Variants in TAOK1 observed in about 807,000 individuals in gnomAD.
TAOK1 encodes the protein TAO kinase 1.
TAOK1 carries 21 observed loss-of-function variants against 138.3 expected under a neutral mutation model. That is an observed-to-expected ratio of 0.15 (90% CI 0.11 to 0.22). TAOK1 has a LOEUF of 0.22. Among genes scored for constraint, TAOK1 ranks in the 10% least tolerant of loss-of-function variants. The probability of loss-of-function intolerance (pLI) is 1.00; values close to 1 mark genes in which losing one functional copy is unlikely to be tolerated. For missense variants in TAOK1, 651 were observed against 1,227.7 expected, an observed-to-expected ratio of 0.53 and a Z score of 7.02; for synonymous variants, 361 against 398.4, an observed-to-expected ratio of 0.91 and a Z score of 1.12.
At chr17:29,447,924 G>A (rs1411506477) in intron 1 of TAOK1, among the ~76,000 whole-genome samples, 1 of 147,370 alleles carries the variant, frequency 6.8e-6, no homozygotes, top group Non-Finnish European at 1.5e-5. Context: ...CCAAAGTGCT[G>A]GGATTACAGG....
At chr17:29,540,047 G>GT (rs1567749904) in intron 19 of TAOK1, among the ~76,000 whole-genome samples, 1 of 152,166 alleles carries the variant, frequency 6.6e-6, no homozygotes. Flanking sequence ...GGAAGAATAG[G>GT]TTAACCAGAA....
chr17:29,501,973 A>G (rs1302335412), intron 12 of TAOK1, among the ~76,000 whole-genome samples: 2 of 152,154 alleles, frequency 1.3e-5, no homozygotes, highest in African/African-American at 4.8e-5. Flanking sequence ...GGAAGTTGAC[A>G]CTGCGGTGAG....
intron 7 of TAOK1, among the ~76,000 whole-genome samples, chr17:29,481,162 A>G (rs566956712): frequency 4.6e-5 from 7 of 152,094 alleles, no homozygotes; most frequent in African/African-American, 1.7e-4. Context: ...CTTGTTGCCA[A>G]TAGTAAAATT....
At chr17:29,502,171 C>T (rs572562215) in intron 12 of TAOK1, among the ~76,000 whole-genome samples, 1 of 152,250 alleles carries the variant, frequency 6.6e-6, no homozygotes, top group African/African-American at 2.4e-5. Flanking sequence ...TATTGGCTTC[C>T]ACCTGTCATC....
chr17:29,475,223 G>A (rs1397843515), intron 3 of TAOK1, among the ~76,000 whole-genome samples: 1 of 152,174 alleles, frequency 6.6e-6, no homozygotes, highest in Admixed American at 6.5e-5. Context: ...ACAGGCGTGA[G>A]CCACTGTACC....
chr17:29,502,772 T>G, intron 13 of TAOK1, 49 bp downstream of exon 13: 1 of 1,582,448 alleles, frequency 6.3e-7, no homozygotes, highest in Non-Finnish European at 8.6e-7. Context: ...ATGTGGGACC[T>G]TGGCAATATA....
At chr17:29,502,785 C>G in intron 13 of TAOK1, 62 bp downstream of exon 13, 1 of 1,552,436 alleles carries the variant, frequency 6.4e-7, no homozygotes, top group Non-Finnish European at 8.8e-7. Flanking sequence ...GCAATATAAA[C>G]TCAAGTATAG....
At chr17:29,398,049 T>C (rs1904718184) in intron 1 of TAOK1, among the ~76,000 whole-genome samples, 1 of 152,136 alleles carries the variant, frequency 6.6e-6, no homozygotes, top group Admixed American at 6.5e-5. Flanking sequence ...AAAGTTTTTT[T>C]CGAGAAACGG....
At chr17:29,462,648 ATTGT>A in intron 2 of TAOK1, among the ~76,000 whole-genome samples, 1 of 152,306 alleles carries the variant, frequency 6.6e-6, no homozygotes, top group Admixed American at 6.5e-5. Context: ...ATTACAGTAA[ATTGT>A]TTGGTGTTGT....
At chr17:29,488,960 C>G (rs1222300279) in intron 8 of TAOK1, among the ~76,000 whole-genome samples, 1 of 151,984 alleles carries the variant, frequency 6.6e-6, no homozygotes, top group Non-Finnish European at 1.5e-5. Flanking sequence ...GAACAAATTC[C>G]TTGAAGATTA....
intron 1 of TAOK1, among the ~76,000 whole-genome samples, chr17:29,412,607 A>G (rs748796628): frequency 6.6e-6 from 1 of 152,172 alleles, no homozygotes; most frequent in Admixed American, 6.6e-5. Flanking sequence ...TACTAGGACT[A>G]TGGTTATTTT....
chr17:29,523,890 C>A (rs1215141015), intron 17 of TAOK1, among the ~76,000 whole-genome samples: 1 of 152,108 alleles, frequency 6.6e-6, no homozygotes, highest in Non-Finnish European at 1.5e-5. Context: ...TAAAATGGTT[C>A]TTGGTTTTAC....
At chr17:29,471,907 T>G (rs2030827001) in intron 3 of TAOK1, among the ~76,000 whole-genome samples, 1 of 152,248 alleles carries the variant, frequency 6.6e-6, no homozygotes, top group Non-Finnish European at 1.5e-5. Context: ...ATTCAGAAAT[T>G]ACTTTCTTTG....
At chr17:29,533,659 C>T (rs560203632) in intron 18 of TAOK1, among the ~76,000 whole-genome samples, 403 of 151,960 alleles carry the variant, frequency 2.7e-3, no homozygotes, top group Middle Eastern at 0.01. Context: ...GCCAACACAG[C>T]GAAACCCCGT....
intron 2 of TAOK1, among the ~76,000 whole-genome samples, chr17:29,462,680 G>A (rs1035551819): frequency 6.6e-6 from 1 of 152,090 alleles, no homozygotes. Flanking sequence ...AGTCTCATAA[G>A]ACCATTTATA....
intron 12 of TAOK1, among the ~76,000 whole-genome samples, chr17:29,499,559 TC>T (rs1567736030): frequency 2.0e-4 from 17 of 85,304 alleles, no homozygotes; most frequent in East Asian, 8.1e-4. Flanking sequence ...TTTCTTTCTT[TC>T]TTTCTTTTTT....
At chr17:29,434,721 A>T (rs1905971332) in intron 1 of TAOK1, among the ~76,000 whole-genome samples, 1 of 152,140 alleles carries the variant, frequency 6.6e-6, no homozygotes, top group Admixed American at 6.5e-5. Flanking sequence ...ATGAAACAGG[A>T]AGCTTGGAGT....
At chr17:29,443,213 G>C (rs1450531160) in intron 1 of TAOK1, among the ~76,000 whole-genome samples, 1 of 152,140 alleles carries the variant, frequency 6.6e-6, no homozygotes, top group Non-Finnish European at 1.5e-5. Flanking sequence ...TGTCCTTCTT[G>C]TGAAAATCTG....
At chr17:29,506,913 A>G (rs932377397) in intron 13 of TAOK1, among the ~76,000 whole-genome samples, 1 of 152,216 alleles carries the variant, frequency 6.6e-6, no homozygotes, top group African/African-American at 2.4e-5. Flanking sequence ...AATTTTATTC[A>G]GCTATAAAAG....
Sources: allele counts gnomAD v4.1 joint callset (sites outside exome capture counted in the v4.1 genomes callset), GRCh38; gene constraint gnomAD v4.1.1; transcripts MANE v1.5; gene names NCBI Gene and HGNC (gene_info 2026-07-23, HGNC 2026-07-21).